The following RRP1B variants were observed in gnomAD, a reference collection of about 807,000 sequenced individuals.
The protein encoded by RRP1B is ribosomal RNA processing 1B.
Under a neutral mutation model 80.2 loss-of-function variants are expected in RRP1B, and 56 were observed. The ratio of observed to expected loss-of-function variants is 0.70; its 90% CI spans 0.56 to 0.87. RRP1B has a LOEUF of 0.87. Among genes scored for constraint, RRP1B ranks in the 40% least tolerant of loss-of-function variants. The pLI, the probability that RRP1B is intolerant of heterozygous loss-of-function variation, is 0.00. For synonymous variants in RRP1B, 351 were observed against 357.6 expected (o/e 0.98, Z 0.21); for missense variants, 807 against 939.8 (o/e 0.86, Z 1.85).
Position 43,677,192 on chromosome 21 carries a change from C to G in RRP1B, c.796+278C>G, listed in dbSNP as rs191098730. Among the ~76,000 whole-genome samples the G allele has an allele frequency of 4.6e-5, 7 of 152,322 alleles. No individual in the cohort carries two copies. The East Asian group carries it at 9.6e-4, about 21-fold the overall frequency. ...CTCCTCGAGGATTTTACCATTGTCA[C>G]TGCTAGTGCTTTTTGTTTGCTTTGT... On this transcript the variant is annotated intron_variant, in intron 8 of 15. Coordinates refer to ENST00000340648, the MANE Select transcript of RRP1B (RefSeq NM_015056.3).
chr21:43,690,746 G>A (rs888998089), intron 14 of RRP1B, among the ~76,000 whole-genome samples: 5 of 152,228 alleles, frequency 3.3e-5, no homozygotes, highest in Non-Finnish European at 5.9e-5. Context: ...TTAAACACAA[G>A]TGGTGCAAGT....
rs2083068539 is a variant in RRP1B, at chr21:43,687,620, C to G, written c.1246C>G (p.Pro416Ala). 6.5e-7 allele frequency: 1 copy of G among 1,534,068 alleles called. No individual in the cohort carries two copies. The highest frequency in any genetic ancestry group is 8.7e-7 in the Non-Finnish European group (1 of 1,144,704). ...KHHLQPENPGPGGAAPSLEQN... is the reference protein window; with the variant it reads ...KHHLQPENPGAGGAAPSLEQN... Reference sequence around the variant, plus strand: ...CCACCTGCAGCCTGAAAATCCAGGCCCAGGGGGTGCAGCCCCATCCCTGGA... The same window carrying G: ...CCACCTGCAGCCTGAAAATCCAGGCGCAGGGGGTGCAGCCCCATCCCTGGA... Residue 416 changes from proline (P) to alanine (A), a missense_variant, in exon 13 of 16, where the codon CCA (proline) becomes GCA (alanine). Physicochemically the swap from Pro to Ala is conservative, Grantham distance 27 (BLOSUM62 -1). Transcript: ENST00000340648.
chr21:43,674,586 C>CTTTTTTT (rs33994751), intron 4 of RRP1B, 50 bp from the exon 5 acceptor site: 145 of 392,606 alleles, frequency 3.7e-4, no homozygotes, highest in Middle Eastern at 1.3e-3. Context: ...CTTACCTTTC[C>CTTTTTTT]TTTTTTTTTT....
chr21:43,673,459 C>T (rs1479153423), intron 3 of RRP1B, among the ~76,000 whole-genome samples: 1 of 152,062 alleles, frequency 6.6e-6, no homozygotes, highest in African/African-American at 2.4e-5. Flanking sequence ...CATGGTTAAA[C>T]CCCGTCTTTA....
intron 1 of RRP1B, among the ~76,000 whole-genome samples, chr21:43,661,311 A>G (rs2082955860): frequency 6.6e-6 from 1 of 152,102 alleles, no homozygotes; most frequent in Admixed American, 6.5e-5. Context: ...TCTACCTGGC[A>G]CCTCACACTC....
chr21:43,693,440 T>G lies in RRP1B; in HGVS notation c.*57T>G. ...TTTGTACAGAATGCGCTATAAATTA[T>G]ACCTTTAAGAATGTGGGGCCTTTTT... is the stretch of plus-strand genomic sequence containing the variant. On this transcript the variant is annotated 3_prime_UTR_variant, in exon 16 of 16. Transcript: ENST00000340648. This position sits in a 1 kb window ranked among gnomAD's most constrained non-coding sequence, Gnocchi z 4.1. The G allele has an allele frequency of 7.0e-7, 1 of 1,420,922 alleles. No homozygotes were observed. Among genetic ancestry groups the G allele is most frequent in the Non-Finnish European group, 9.3e-7 (1 of 1,070,286 alleles). 88.0% of individuals were successfully genotyped at this position (1,420,922 alleles called of 1,614,324 possible). A position where few individuals can be genotyped will look rare whatever the true frequency, so the allele number is the denominator to read the frequency against.
chr21:43,689,359 T>C (rs903732393), intron 13 of RRP1B, among the ~76,000 whole-genome samples: 1 of 152,216 alleles, frequency 6.6e-6, no homozygotes, highest in Non-Finnish European at 1.5e-5. Flanking sequence ...TGTGTGGACC[T>C]GGTGAAGCGC....
chr21:43,691,411 T>C lies in RRP1B; in HGVS notation c.2020-28T>C. 6.2e-7 allele frequency: 1 copy of C among 1,612,060 alleles called. No individual in the cohort carries two copies. The highest frequency in any genetic ancestry group is 8.5e-7 in the Non-Finnish European group (1 of 1,178,426). On this transcript the variant is annotated intron_variant, in intron 14 of 15. Coordinates refer to ENST00000340648, the MANE Select transcript of RRP1B (RefSeq NM_015056.3). This position sits in a 1 kb window ranked among gnomAD's most constrained non-coding sequence, Gnocchi z 4.2. Reference sequence around the variant, plus strand: ...GCCTCCACTGCACTTGCGTCACTCCTTTTGTTCCTGTTATTTCTCTTCTGC... The same window carrying C: ...GCCTCCACTGCACTTGCGTCACTCCCTTTGTTCCTGTTATTTCTCTTCTGC...
At position 43,683,292 on chromosome 21, in the gene RRP1B, C is replaced by A. The variant is rs2083050654; in HGVS notation, c.810C>A (p.Asn270Lys). Residue 270 changes from asparagine to lysine, a missense_variant, in exon 9 of 16, where the codon AAC (asparagine) becomes AAA (lysine). Coordinates refer to ENST00000340648, the MANE Select transcript of RRP1B (RefSeq NM_015056.3). ...ATATTTTGACAGCACTGGGCAAAAA[C>A]CATTCCAGAAAAGATGGACTCAGTG... The part of the protein sequence containing the change: ...VSKKKTALGK[N>K]HSRKDGLSDE... 3 of 1,614,092 alleles carry A rather than the reference C, an allele frequency of 1.9e-6. No individual in the cohort carries two copies. Among genetic ancestry groups the A allele is most frequent in the Non-Finnish European group, 2.5e-6 (3 of 1,179,950 alleles).
In RRP1B at chr21:43,693,216, T is replaced by C. The variant is rs2147179912; in HGVS notation, c.2110T>C (p.Leu704=). The stretch of plus-strand genomic sequence containing the variant: ...ATTCAAGAAGACAGACAAGAGTATC[T>C]TGGTCAGTCCCACGGGCCCTTCTCG... ...AEFKKTDKSI[L]VSPTGPSRVA... is the part of the protein sequence containing the mutation. Residue 704 remains leucine, a synonymous_variant, in exon 16 of 16, where the codon TTG becomes CTG. Transcript: ENST00000340648. This position sits in a 1 kb window ranked among gnomAD's most constrained non-coding sequence, Gnocchi z 4.1. 6.2e-7 allele frequency: 1 copy of C among 1,614,044 alleles called. No individual in the cohort carries two copies. The highest frequency in any genetic ancestry group is 2.2e-5 in the East Asian group (1 of 44,870).
intron 1 of RRP1B, among the ~76,000 whole-genome samples, chr21:43,667,835 G>A (rs2147162286): frequency 6.6e-6 from 1 of 152,308 alleles, no homozygotes; most frequent in Middle Eastern, 3.4e-3. Flanking sequence ...CTCCAACTGT[G>A]AAAGGGAATA....
chr21:43,661,580 C>T (rs1022010171), intron 1 of RRP1B, among the ~76,000 whole-genome samples: 1 of 152,176 alleles, frequency 6.6e-6, no homozygotes, highest in Non-Finnish European at 1.5e-5. Flanking sequence ...TGTATCTCAC[C>T]GAAACTTCTG....
chr21:43,677,024 T>G (rs2083025614), intron 8 of RRP1B, 110 bp downstream of exon 8: 1 of 1,081,296 alleles, frequency 9.2e-7, no homozygotes, highest in South Asian at 1.6e-5. Flanking sequence ...CTAGAGTTGA[T>G]GGCTCTGCCT....
At chr21:43,683,016 G>T (rs898085795) in intron 8 of RRP1B, among the ~76,000 whole-genome samples, 5 of 152,136 alleles carry the variant, frequency 3.3e-5, no homozygotes, top group Admixed American at 6.5e-5. Flanking sequence ...GGGATTACAG[G>T]CACCCGCAAC....
At chr21:43,667,564 T>C (rs1275883264) in intron 1 of RRP1B, among the ~76,000 whole-genome samples, 1 of 152,192 alleles carries the variant, frequency 6.6e-6, no homozygotes, top group Non-Finnish European at 1.5e-5. Flanking sequence ...TGATATCTTT[T>C]CATCTAATGT....
Position 43,679,331 on chromosome 21 carries a change from C to T in RRP1B, c.796+2417C>T, listed in dbSNP as rs543025726. ...TCGCCCAGGCTGGAGTGCAATAGTG[C>T]GATCTCAGCTCACTGCAACCTCTGC... On this transcript the variant is annotated intron_variant, in intron 8 of 15. Coordinates refer to ENST00000340648, the MANE Select transcript of RRP1B (RefSeq NM_015056.3). Among the ~76,000 whole-genome samples, 143 of 151,254 alleles carry T rather than the reference C, an allele frequency of 9.5e-4. 2 individuals carry two copies. The South Asian group carries it at 0.016, about 17-fold the overall frequency.
At chr21:43,690,159 C>G (rs576690593) in intron 13 of RRP1B, 129 bp from the exon 14 acceptor site, 3 of 1,007,654 alleles carry the variant, frequency 3.0e-6, no homozygotes. Context: ...AAGTGCGGTG[C>G]GGAAGACCGC....
In RRP1B at chr21:43,677,093, G is replaced by A. The variant is rs531879367; in HGVS notation, c.796+179G>A. Among the ~76,000 whole-genome samples, 4 of 152,260 alleles carry A rather than the reference G, an allele frequency of 2.6e-5. No individual in the cohort carries two copies. The South Asian group carries it at 6.2e-4, about 24-fold the overall frequency. On this transcript the variant is annotated intron_variant, in intron 8 of 15. Transcript: ENST00000340648. ...TCATTGTGCCTGGGGGGTGCCTAGCGGGGCTCTGGGGAGACCTGAGATCTG... is the reference window on the plus strand; with the variant it reads ...TCATTGTGCCTGGGGGGTGCCTAGCAGGGCTCTGGGGAGACCTGAGATCTG...
intron 1 of RRP1B, among the ~76,000 whole-genome samples, chr21:43,667,039 G>A (rs1369714038): frequency 1.3e-5 from 1 of 78,746 alleles, no homozygotes; most frequent in African/African-American, 6.2e-5. Context: ...ACACAGTTGG[G>A]TGTTTTTTTT....
Sources: gnomAD v4.1 joint callset for allele counts (sites outside exome capture counted in the v4.1 genomes callset) on GRCh38, gnomAD v4.1.1 for gene constraint, Gnocchi (gnomAD v3.1) non-coding constraint, MANE v1.5 for transcripts, NCBI Gene and HGNC (gene_info 2026-07-23, HGNC 2026-07-21) for gene names.